Variants in HS6ST2 observed in about 807,000 individuals in gnomAD.
HS6ST2 encodes heparan-sulfate 6-O-sulfotransferase 2.
A neutral mutation model predicts 33.0 loss-of-function variants in HS6ST2; 17 were observed. That is an observed-to-expected ratio of 0.52 (90% CI 0.35 to 0.77). HS6ST2 has a LOEUF of 0.77. Among genes scored for constraint, HS6ST2 ranks in the 30% least tolerant of loss-of-function variants. HS6ST2 has a pLI of 0.01. For synonymous variants in HS6ST2, 248 were observed against 237.1 expected, an observed-to-expected ratio of 1.05 and a Z score of -0.42; for missense variants, 519 against 551.7, an observed-to-expected ratio of 0.94 and a Z score of 0.59.
At chrX:132,917,507 G>A (rs2066605913) in intron 2 of HS6ST2, among the ~76,000 whole-genome samples, 1 of 110,488 alleles carries the variant, frequency 9.1e-6, no homozygotes, top group East Asian at 2.9e-4. Context: ...GGCTGAGGCA[G>A]GAGAATCGCT....
intron 2 of HS6ST2, among the ~76,000 whole-genome samples, chrX:132,876,473 G>A (rs916305137): frequency 8.9e-6 from 1 of 112,058 alleles, no homozygotes; most frequent in African/African-American, 3.2e-5. Context: ...CGGGTTAGGT[G>A]TTTACCATTA....
At chrX:132,637,924 A>ATTATATTATATATAATATTTTATATAT (rs758351267) in intron 4 of HS6ST2, among the ~76,000 whole-genome samples, 5 of 60,490 alleles carry the variant, frequency 8.3e-5, no homozygotes, top group Non-Finnish European at 1.4e-4. Context: ...TATTTTATAT[A>ATTATATTATATATAATATTTTATATAT]TATATTATAT....
At chrX:132,911,371 A>T (rs1354527906) in intron 2 of HS6ST2, among the ~76,000 whole-genome samples, 3 of 111,193 alleles carry the variant, frequency 2.7e-5, no homozygotes, top group African/African-American at 9.8e-5. Flanking sequence ...CTTGAATTAG[A>T]TACACCAACA....
intron 2 of HS6ST2, among the ~76,000 whole-genome samples, chrX:132,788,407 G>A (rs1169913386): frequency 9.0e-6 from 1 of 111,424 alleles, no homozygotes; most frequent in African/African-American, 3.3e-5. Context: ...TAGAAGTTGT[G>A]CGTGTTCAGA....
chrX:132,721,278 T>C (rs1055323392), intron 2 of HS6ST2, among the ~76,000 whole-genome samples: 1 of 111,687 alleles, frequency 9.0e-6, no homozygotes, highest in African/African-American at 3.3e-5. Context: ...ATGAGAAGAA[T>C]TTGGGGAACT....
chrX:132,868,973 A>C lies in HS6ST2; in HGVS notation c.947+87835T>G, dbSNP rs1405473594. ...GATAGAGAGACGAAAAACCCTTCAA[A>C]AAATCAATGAATCCAGGAGGTATTT... On this transcript the variant is annotated intron_variant, in intron 2 of 4. Transcript: ENST00000370833. Among the ~76,000 whole-genome samples the C allele has an allele frequency of 3.2e-4, 32 of 100,519 alleles. No individual in the cohort carries two copies. The Admixed American group carries it at 3.4e-3, about 11-fold the overall frequency. 87.3% of individuals were successfully genotyped at this position (100,519 alleles called of 115,157 possible). A position where few individuals can be genotyped will look rare whatever the true frequency, so the allele number is the denominator to read the frequency against.
intron 2 of HS6ST2, among the ~76,000 whole-genome samples, chrX:132,936,696 A>G (rs960632130): frequency 9.0e-5 from 10 of 111,435 alleles, no homozygotes; most frequent in African/African-American, 3.3e-4. Context: ...ACCAGGGCCT[A>G]CTTGAGGGTG....
At chrX:132,674,950 T>C (rs900789726) in intron 3 of HS6ST2, among the ~76,000 whole-genome samples, 1 of 111,703 alleles carries the variant, frequency 9.0e-6, no homozygotes, top group African/African-American at 3.3e-5. Flanking sequence ...GGAAAATAAC[T>C]ATGCCTGGCA....
intron 2 of HS6ST2, among the ~76,000 whole-genome samples, chrX:132,899,095 T>C (rs1462415313): frequency 9.0e-6 from 1 of 111,575 alleles, no homozygotes; most frequent in African/African-American, 3.3e-5. Context: ...ACGTTGATAC[T>C]ACCCTAAGAA....
intron 2 of HS6ST2, among the ~76,000 whole-genome samples, chrX:132,855,317 C>T (rs2065843239): frequency 8.9e-6 from 1 of 112,266 alleles, no homozygotes; most frequent in Admixed American, 9.4e-5. Flanking sequence ...ATTCTCACCA[C>T]AATCCTTCCA....
chrX:132,747,013 T>C (rs2064651691), intron 2 of HS6ST2, among the ~76,000 whole-genome samples: 1 of 112,435 alleles, frequency 8.9e-6, no homozygotes, highest in South Asian at 3.7e-4. Context: ...AAAACACTGA[T>C]TGTCTACTTT....
intron 2 of HS6ST2, among the ~76,000 whole-genome samples, chrX:132,811,685 A>AATAT (rs56390608): frequency 0.21 from 6,245 of 29,653 alleles, 920 homozygotes; most frequent in Non-Finnish European, 0.22. Context: ...AAGGCTGAAT[A>AATAT]ATATATATAT....
intron 2 of HS6ST2, among the ~76,000 whole-genome samples, chrX:132,870,131 G>A (rs937036150): frequency 2.7e-5 from 3 of 110,289 alleles, no homozygotes; most frequent in Non-Finnish European, 5.7e-5. Context: ...TAATAGACAA[G>A]CAGAGAGCCA....
intron 2 of HS6ST2, among the ~76,000 whole-genome samples, chrX:132,767,695 G>A (rs983847032): frequency 9.0e-6 from 1 of 111,283 alleles, no homozygotes; most frequent in Non-Finnish European, 1.9e-5. Flanking sequence ...CACCCTGCCA[G>A]GCCGCCACTC....
chrX:132,947,578 A>G (rs1200472645), intron 2 of HS6ST2, among the ~76,000 whole-genome samples: 1 of 111,865 alleles, frequency 8.9e-6, no homozygotes, highest in East Asian at 2.8e-4. Context: ...ATATCAACAT[A>G]GCCACATCAG....
At chrX:132,952,658 C>G (rs956566421) in intron 2 of HS6ST2, among the ~76,000 whole-genome samples, 2 of 111,511 alleles carry the variant, frequency 1.8e-5, no homozygotes, top group African/African-American at 6.5e-5. Context: ...AAAAGCTTTT[C>G]TCCATCTAAA....
chrX:132,913,748 C>T (rs2066557098), intron 2 of HS6ST2, among the ~76,000 whole-genome samples: 1 of 112,238 alleles, frequency 8.9e-6, no homozygotes, highest in South Asian at 3.7e-4. Context: ...AAGTGCTTGT[C>T]CCCACTACCC....
chrX:132,816,178 G>A (rs1418872302), intron 2 of HS6ST2, among the ~76,000 whole-genome samples: 1 of 111,573 alleles, frequency 9.0e-6, no homozygotes, highest in African/African-American at 3.3e-5. Context: ...ATGTGAACTG[G>A]CACTTCTAAA....
chrX:132,661,254 G>A (rs954205137), intron 4 of HS6ST2, among the ~76,000 whole-genome samples: 1 of 109,161 alleles, frequency 9.2e-6, no homozygotes, highest in Non-Finnish European at 1.9e-5. Context: ...GAATAAATCT[G>A]TCTTTAGTCA....
Sources: gnomAD v4.1 joint callset for allele counts (sites outside exome capture counted in the v4.1 genomes callset) on GRCh38, gnomAD v4.1.1 for gene constraint, MANE v1.5 for transcripts, NCBI Gene and HGNC (gene_info 2026-07-23, HGNC 2026-07-21) for gene names.